The following RBFOX1 variants were observed in gnomAD, a reference collection of about 807,000 sequenced individuals.
RBFOX1 encodes RNA binding protein fox-1 homolog 1.
A neutral mutation model predicts 57.7 loss-of-function variants in RBFOX1; 8 were observed. The ratio of observed to expected loss-of-function variants is 0.14; its 90% CI spans 0.08 to 0.25. The LOEUF (loss-of-function observed/expected upper bound fraction) is 0.25. Among genes scored for constraint, RBFOX1 ranks in the 10% least tolerant of loss-of-function variants. The pLI is 1.00. For missense variants in RBFOX1, 611 were observed against 548.5 expected (o/e 1.11, Z -1.14); for synonymous variants, 326 against 222.4 (o/e 1.47, Z -4.15).
intron 3 of RBFOX1, among the ~76,000 whole-genome samples, chr16:6,951,686 C>T (rs1000229173): frequency 3.9e-5 from 6 of 152,228 alleles, no homozygotes; most frequent in Middle Eastern, 3.4e-3. Flanking sequence ...CAGTGAGTCA[C>T]ACACAAATGT....
At chr16:5,415,174 G>A (rs980308453) in intron 1 of RBFOX1, among the ~76,000 whole-genome samples, 2 of 152,152 alleles carry the variant, frequency 1.3e-5, no homozygotes, top group African/African-American at 2.4e-5. Context: ...AAGCAAAAGA[G>A]GTTTAATTAA....
At chr16:6,659,644 C>G (rs573790269) in intron 3 of RBFOX1, among the ~76,000 whole-genome samples, 2 of 152,102 alleles carry the variant, frequency 1.3e-5, no homozygotes, top group African/African-American at 2.4e-5. Context: ...AGTCTGTCCT[C>G]TTAGTTTCAA....
chr16:6,549,033 C>G (rs112115696), intron 2 of RBFOX1, among the ~76,000 whole-genome samples: 1 of 147,516 alleles, frequency 6.8e-6, no homozygotes, highest in Non-Finnish European at 1.5e-5. Context: ...TGAGATCATG[C>G]CACTGCACTC....
At chr16:6,108,810 C>G (rs962565709) in intron 1 of RBFOX1, among the ~76,000 whole-genome samples, 4 of 152,118 alleles carry the variant, frequency 2.6e-5, no homozygotes, top group Admixed American at 2.6e-4. Flanking sequence ...ATGTCCCCAT[C>G]TTCACATCAC....
intron 1 of RBFOX1, among the ~76,000 whole-genome samples, chr16:6,116,386 C>G (rs2096496070): frequency 1.3e-5 from 2 of 152,246 alleles, no homozygotes; most frequent in African/African-American, 4.8e-5. Flanking sequence ...CCTGCACATT[C>G]TGCACATGTA....
At chr16:6,560,380 GA>G (rs371029020) in intron 2 of RBFOX1, among the ~76,000 whole-genome samples, 1,450 of 32,954 alleles carry the variant, frequency 0.044, 27 homozygotes, top group African/African-American at 0.047. Context: ...ATGAGGAGGA[GA>G]GGGCCAGTGT....
At chr16:5,902,816 C>G (rs902921395) in intron 4 of RBFOX1, among the ~76,000 whole-genome samples, 5 of 152,178 alleles carry the variant, frequency 3.3e-5, no homozygotes, top group African/African-American at 1.2e-4. Context: ...AGTTGCCACT[C>G]TTTAAACACT....
At chr16:6,340,019 T>A (rs1183287410) in intron 2 of RBFOX1, among the ~76,000 whole-genome samples, 1 of 152,050 alleles carries the variant, frequency 6.6e-6, no homozygotes, top group Non-Finnish European at 1.5e-5. Flanking sequence ...GATTCTAGTA[T>A]CAGAAATCCT....
chr16:6,279,546 G>C (rs1275792147), intron 1 of RBFOX1, among the ~76,000 whole-genome samples: 2 of 152,150 alleles, frequency 1.3e-5, no homozygotes, highest in Admixed American at 1.3e-4. Context: ...TAATCCCTCT[G>C]ATACGCTTGT....
chr16:7,587,524 A>G (rs1350822402), intron 7 of RBFOX1, among the ~76,000 whole-genome samples: 2 of 152,188 alleles, frequency 1.3e-5, no homozygotes, highest in Non-Finnish European at 2.9e-5. Context: ...TATATATATC[A>G]AGTTTCCAGA....
rs530207709 is a variant in RBFOX1, at chr16:6,657,202, G to C, written c.-16+2552G>C. ...CTCCTCCTTTCCTTCCCACTTTCTC[G>C]TCTTCCTTCCTCCCTCCTTCCTTCC... On this transcript the variant is annotated intron_variant, in intron 3 of 15. Coordinates refer to ENST00000550418, the MANE Select transcript of RBFOX1 (RefSeq NM_018723.4). Among the ~76,000 whole-genome samples the C allele has an allele frequency of 7.9e-5, 11 of 139,924 alleles. No homozygotes were observed. In the Admixed American group the frequency reaches 8.4e-4, roughly 11 times the overall value. The allele number at this position is 139,924 out of a possible 152,430, so 91.8% of individuals were successfully genotyped here. A position where few individuals can be genotyped will look rare whatever the true frequency, so the allele number is the denominator to read the frequency against.
intron 4 of RBFOX1, among the ~76,000 whole-genome samples, chr16:7,447,978 G>A (rs981067090): frequency 2.0e-5 from 3 of 152,160 alleles, no homozygotes; most frequent in Non-Finnish European, 4.4e-5. Context: ...GATCTCTGGG[G>A]TTGGGATGTA....
chr16:6,445,452 T>C (rs1445964061), intron 2 of RBFOX1, among the ~76,000 whole-genome samples: 1 of 151,920 alleles, frequency 6.6e-6, no homozygotes, highest in Non-Finnish European at 1.5e-5. Flanking sequence ...CAATGTGGTG[T>C]GGTTTAACTC....
intron 1 of RBFOX1, among the ~76,000 whole-genome samples, chr16:5,317,903 ACT>A (rs2064286489): frequency 6.6e-6 from 1 of 152,012 alleles, no homozygotes; most frequent in South Asian, 2.1e-4. Flanking sequence ...CTAAACAGAA[ACT>A]CTATATCCTA....
At chr16:7,158,521 G>C (rs970880091) in intron 4 of RBFOX1, among the ~76,000 whole-genome samples, 1 of 152,022 alleles carries the variant, frequency 6.6e-6, no homozygotes, top group Non-Finnish European at 1.5e-5. Flanking sequence ...ATGTTTGTCT[G>C]TGTGATGTGT....
At chr16:7,085,212 C>A (rs1442676736) in intron 4 of RBFOX1, among the ~76,000 whole-genome samples, 1 of 152,062 alleles carries the variant, frequency 6.6e-6, no homozygotes, top group South Asian at 2.1e-4. Flanking sequence ...ATTCTACTTG[C>A]CAAATAACAT....
At chr16:6,707,921 G>A (rs1165878790) in intron 3 of RBFOX1, among the ~76,000 whole-genome samples, 1 of 152,174 alleles carries the variant, frequency 6.6e-6, no homozygotes, top group Non-Finnish European at 1.5e-5. Flanking sequence ...GGAAGATTCA[G>A]GGAATGGAGT....
At chr16:7,120,979 T>G (rs553745364) in intron 4 of RBFOX1, among the ~76,000 whole-genome samples, 137 of 152,016 alleles carry the variant, frequency 9.0e-4, no homozygotes, top group African/African-American at 3.2e-3. Flanking sequence ...CAATGTTATG[T>G]ACCATATTAA....
chr16:7,006,928 C>G (rs765222736), intron 3 of RBFOX1, among the ~76,000 whole-genome samples: 2 of 152,166 alleles, frequency 1.3e-5, no homozygotes, highest in African/African-American at 2.4e-5. Context: ...ACCGTCTTGT[C>G]TCTTCCATGT....
Sources: gnomAD v4.1 joint callset for allele counts (sites outside exome capture counted in the v4.1 genomes callset) on GRCh38, gnomAD v4.1.1 for gene constraint, MANE v1.5 for transcripts, NCBI Gene and HGNC (gene_info 2026-07-23, HGNC 2026-07-21) for gene names.